Variants in PTPRQ observed in about 807,000 individuals in gnomAD.
The protein encoded by PTPRQ is phosphatidylinositol phosphatase PTPRQ.
Under a neutral mutation model 246.0 loss-of-function variants are expected in PTPRQ, and 199 were observed. The ratio of observed to expected loss-of-function variants is 0.81; its 90% CI spans 0.72 to 0.91. PTPRQ has a LOEUF of 0.91. Among genes scored for constraint, PTPRQ ranks in the 40% least tolerant of loss-of-function variants. PTPRQ has a pLI of 0.00. For synonymous variants in PTPRQ, 869 were observed against 853.2 expected (o/e 1.02, Z -0.32); for missense variants, 2,624 against 2,528.4 (o/e 1.04, Z -0.81).
chr12:80,449,247 T>A (rs971665631), intron 3 of PTPRQ, among the ~76,000 whole-genome samples: 5 of 151,750 alleles, frequency 3.3e-5, no homozygotes, highest in Non-Finnish European at 7.4e-5. Flanking sequence ...GTAAATTTGT[T>A]TGAGTTCATT....
chr12:80,572,853 A>T (rs1187628336), intron 25 of PTPRQ, among the ~76,000 whole-genome samples: 9 of 152,196 alleles, frequency 5.9e-5, no homozygotes, highest in Admixed American at 5.2e-4. Context: ...GGGATAAAAC[A>T]CACTTGATCA....
rs1892496797 is a variant in PTPRQ, at chr12:80,444,613, T to C, written c.55-128T>C. The C allele has an allele frequency of 5.5e-6, 4 of 726,296 alleles. No individual in the cohort carries two copies. The East Asian group carries it at 8.2e-5, about 15-fold the overall frequency. The allele number at this position is 726,296 out of a possible 1,614,324, so 45.0% of individuals were successfully genotyped here. A position where few individuals can be genotyped will look rare whatever the true frequency, so the allele number is the denominator to read the frequency against. The stretch of plus-strand genomic sequence containing the variant: ...GTATCTTACAATAATATGGAACTTA[T>C]TGTGATGTTATAAACAGTGCAGAGT... On this transcript the variant is annotated intron_variant, in intron 1 of 44. Transcript: ENST00000644991.
intron 25 of PTPRQ, among the ~76,000 whole-genome samples, chr12:80,566,253 G>T (rs1273916294): frequency 1.3e-5 from 2 of 152,108 alleles, no homozygotes; most frequent in East Asian, 3.9e-4. Context: ...CGAGGCAGGT[G>T]GATCACTTGA....
intron 10 of PTPRQ, among the ~76,000 whole-genome samples, chr12:80,493,680 C>G (rs927015620): frequency 1.3e-5 from 2 of 152,008 alleles, no homozygotes; most frequent in Non-Finnish European, 2.9e-5. Flanking sequence ...GAAAGTAGCA[C>G]CCTAGAGTCT....
rs1471316739 is a variant in PTPRQ, at chr12:80,555,833, T to C, written c.4285+6099T>C. Reference sequence around the variant, plus strand: ...ACACTTCTTGTAGTGCAGTGGACAGTTGACCAATATATACTTATTTACTGC... The same window carrying C: ...ACACTTCTTGTAGTGCAGTGGACAGCTGACCAATATATACTTATTTACTGC... On this transcript the variant is annotated intron_variant, in intron 25 of 44. Transcript: ENST00000644991. 2.0e-5 allele frequency among the ~76,000 whole-genome samples: 3 copies of C among 152,184 alleles called. No homozygotes were observed. The East Asian group carries it at 5.8e-4, about 29-fold the overall frequency.
rs1415586631 is a variant in PTPRQ, at chr12:80,657,972, T to A, written c.6116-13T>A. 1 of 1,395,760 alleles carries A rather than the reference T, an allele frequency of 7.2e-7. No homozygotes were observed. Among genetic ancestry groups the A allele is most frequent in the Non-Finnish European group, 9.4e-7 (1 of 1,069,208 alleles). The allele number at this position is 1,395,760 out of a possible 1,614,324, so 86.5% of individuals were successfully genotyped here. On this transcript the variant is annotated splice_polypyrimidine_tract_variant and intron_variant, in intron 38 of 44. Coordinates refer to ENST00000644991, the MANE Select transcript of PTPRQ (RefSeq NM_001145026.2). ...AAAGCCAATTAACATTGATTCCTTA[T>A]ATTTTCTTCTAGATAATAATAACAG...
chr12:80,448,158 T>C (rs1402450683), intron 3 of PTPRQ, among the ~76,000 whole-genome samples: 3 of 152,086 alleles, frequency 2.0e-5, no homozygotes, highest in African/African-American at 7.2e-5. Context: ...CTATCGTAAA[T>C]GGGATTGAAT....
At chr12:80,447,773 A>G (rs1232110791) in intron 3 of PTPRQ, among the ~76,000 whole-genome samples, 2 of 150,708 alleles carry the variant, frequency 1.3e-5, no homozygotes, top group African/African-American at 2.5e-5. Flanking sequence ...GTATTTTTCT[A>G]TCAGTACTGT....
At chr12:80,524,050 G>A (rs555313908) in intron 17 of PTPRQ, among the ~76,000 whole-genome samples, 9 of 152,274 alleles carry the variant, frequency 5.9e-5, no homozygotes, top group African/African-American at 2.2e-4. Context: ...GGTTGCTCCT[G>A]TATTGAGTGC....
intron 7 of PTPRQ, among the ~76,000 whole-genome samples, chr12:80,469,912 C>T (rs1031562727): frequency 1.3e-5 from 2 of 152,188 alleles, no homozygotes; most frequent in Non-Finnish European, 2.9e-5. Context: ...GGAGTGATCA[C>T]ATGCTTTCAG....
intron 17 of PTPRQ, among the ~76,000 whole-genome samples, chr12:80,518,814 C>G (rs890607152): frequency 1.3e-5 from 2 of 152,078 alleles, no homozygotes; most frequent in African/African-American, 4.8e-5. Flanking sequence ...TCTGCGTTCT[C>G]TATTCTGTTC....
intron 25 of PTPRQ, among the ~76,000 whole-genome samples, chr12:80,560,333 A>G (rs979633878): frequency 5.9e-5 from 9 of 152,218 alleles, no homozygotes; most frequent in African/African-American, 1.9e-4. Context: ...TCCATGTATC[A>G]AATGATCTGT....
chr12:80,514,402 A>ACACACACACACACTCTTTCT (rs552667526), intron 17 of PTPRQ, among the ~76,000 whole-genome samples: 1 of 112,980 alleles, frequency 8.9e-6, no homozygotes, highest in Non-Finnish European at 1.8e-5. Flanking sequence ...ACACACACAC[A>ACACACACACACACTCTTTCT]CTCTCTCTCT....
At chr12:80,663,691 C>T (rs891143016) in intron 39 of PTPRQ, among the ~76,000 whole-genome samples, 2 of 151,948 alleles carry the variant, frequency 1.3e-5, no homozygotes, top group Non-Finnish European at 2.9e-5. Flanking sequence ...TAGCCCTGCT[C>T]ATCACTTTCT....
At chr12:80,542,031 T>C in intron 21 of PTPRQ, 58 bp from the exon 22 acceptor site, 3 of 1,507,370 alleles carry the variant, frequency 2.0e-6, no homozygotes, top group Non-Finnish European at 2.7e-6. Flanking sequence ...GATTGAATCC[T>C]CTTTTTTTAA....
At position 80,613,655 on chromosome 12, in the gene PTPRQ, A is replaced by G. The variant is rs761017082; in HGVS notation, c.4982A>G (p.Gln1661Arg). The change falls in exon 29 of 45, where the codon CAA (glutamine) becomes CGA (arginine). Residue 1661 changes from glutamine to arginine, a missense_variant. Physicochemically the swap from Gln to Arg is conservative, Grantham distance 43. Coordinates refer to ENST00000644991, the MANE Select transcript of PTPRQ (RefSeq NM_001145026.2). ...QKIPDEVTKF[Q>R]LTFLPPSQPN... is the part of the protein sequence containing the mutation. ...ATACCAGATGAAGTTACAAAATTTCAATTAACGTTCCTTCCTCCTTCTCAA... is the reference window on the plus strand; with the variant it reads ...ATACCAGATGAAGTTACAAAATTTCGATTAACGTTCCTTCCTCCTTCTCAA... The G allele has an allele frequency of 1.6e-5, 25 of 1,545,812 alleles. No individual in the cohort carries two copies. The highest frequency in any genetic ancestry group is 1.9e-5 in the Non-Finnish European group (22 of 1,143,036).
At position 80,558,996 on chromosome 12, in the gene PTPRQ, T is replaced by C. The variant is rs138956306; in HGVS notation, c.4285+9262T>C. Among the ~76,000 whole-genome samples the C allele has an allele frequency of 1.4e-3, 209 of 152,338 alleles. 1 individual carries two copies. Among genetic ancestry groups the C allele is most frequent in the Admixed American group, 3.5e-3 (54 of 15,308 alleles). ...ATTCTAGCTACTTGTTTTTGTTAGA[T>C]ATATGGTTTGCAAATGATTTTTGCC... On this transcript the variant is annotated intron_variant, in intron 25 of 44. Transcript: ENST00000644991.
chr12:80,674,050 A>G (rs965288922), intron 43 of PTPRQ, among the ~76,000 whole-genome samples: 1 of 152,094 alleles, frequency 6.6e-6, no homozygotes, highest in African/African-American at 2.4e-5. Flanking sequence ...AGGGAAGCAC[A>G]TGTTCCAAGA....
At position 80,549,476 on chromosome 12, in the gene PTPRQ, G is replaced by A. The variant is rs1346589856; in HGVS notation, c.4027G>A (p.Val1343Met). The A allele has an allele frequency of 1.6e-5, 24 of 1,546,228 alleles. No homozygotes were observed. Among genetic ancestry groups the A allele is most frequent in the Middle Eastern group, 1.7e-4 (1 of 5,986 alleles). The change falls in exon 25 of 45, where the codon GTG becomes ATG. Residue 1343 changes from valine to methionine, a missense_variant. Val to Met is a conservative substitution (Grantham distance 21). Transcript: ENST00000644991. ...GTTTATCTCTTAAGTTCCAGATGTC[G>A]TGCAGAATATGCAGTGCATGGCAAC... is the stretch of plus-strand genomic sequence containing the variant. Reference protein sequence around the residue: ...FTTQESVPDVVQNMQCMATSW... With the variant: ...FTTQESVPDVMQNMQCMATSW...
Sources: gnomAD v4.1 joint callset for allele counts (sites outside exome capture counted in the v4.1 genomes callset) on GRCh38, gnomAD v4.1.1 for gene constraint, MANE v1.5 for transcripts, NCBI Gene and HGNC (gene_info 2026-07-23, HGNC 2026-07-21) for gene names.